The following FAM171A1 variants were observed in gnomAD, a reference collection of about 807,000 sequenced individuals.
FAM171A1 encodes the protein family with sequence similarity 171 member A1.
Under a neutral mutation model 74.9 loss-of-function variants are expected in FAM171A1, and 23 were observed. The observed-to-expected ratio is 0.31, with a 90% CI of 0.22 to 0.44. FAM171A1 has a LOEUF of 0.44. Ranked by LOEUF, FAM171A1 falls within the 20% of genes least tolerant of loss-of-function variation. The probability of loss-of-function intolerance (pLI) is 1.00; values close to 1 mark genes in which losing one functional copy is unlikely to be tolerated. For synonymous variants in FAM171A1, 527 were observed against 505.7 expected (o/e 1.04, Z -0.57); for missense variants, 1,162 against 1,159.2 (o/e 1.00, Z -0.03).
chr10:15,288,679 G>T (rs1835067048), intron 1 of FAM171A1, among the ~76,000 whole-genome samples: 1 of 152,142 alleles, frequency 6.6e-6, no homozygotes, highest in Admixed American at 6.5e-5. Context: ...CAACACCCTA[G>T]ATTCTACCAC....
chr10:15,297,752 T>C (rs1835177784), intron 1 of FAM171A1, among the ~76,000 whole-genome samples: 1 of 152,192 alleles, frequency 6.6e-6, no homozygotes, highest in Non-Finnish European at 1.5e-5. Flanking sequence ...ACGAACTATC[T>C]CCCACAGCTT....
chr10:15,319,883 T>C (rs561816883), intron 1 of FAM171A1, among the ~76,000 whole-genome samples: 147 of 152,350 alleles, frequency 9.6e-4, no homozygotes, highest in South Asian at 4.4e-3. Context: ...TCTGTAACTC[T>C]TTTAATGAGA....
intron 1 of FAM171A1, among the ~76,000 whole-genome samples, chr10:15,333,512 A>T (rs10796280): frequency 0.47 from 71,022 of 151,176 alleles, 17,248 homozygotes; most frequent in East Asian, 0.8. Context: ...AAAACAAACA[A>T]ATAGACAACC....
Position 15,229,615 on chromosome 10 carries a change from C to A in FAM171A1, c.755-8555G>T, listed in dbSNP as rs1459740078. 1.4e-4 allele frequency among the ~76,000 whole-genome samples: 18 copies of A among 127,564 alleles called. 1 individual carries two copies. The highest frequency in any genetic ancestry group is 2.7e-4 in the Non-Finnish European group (15 of 55,854). The allele number at this position is 127,564 out of a possible 152,430, so 83.7% of individuals were successfully genotyped here. ...ACCATCATCACCATCACCATCATCA[C>A]CATTGTCACCCCCATCACCATCATC... On this transcript the variant is annotated intron_variant, in intron 5 of 7. Transcript: ENST00000378116.
At chr10:15,265,914 T>G (rs911833880) in intron 3 of FAM171A1, among the ~76,000 whole-genome samples, 1 of 152,032 alleles carries the variant, frequency 6.6e-6, no homozygotes, top group African/African-American at 2.4e-5. Context: ...GATAAGGACG[T>G]GAGGGACAAT....
intron 1 of FAM171A1, among the ~76,000 whole-genome samples, chr10:15,315,862 A>G (rs1835415957): frequency 6.6e-6 from 1 of 152,218 alleles, no homozygotes; most frequent in African/African-American, 2.4e-5. Flanking sequence ...GACTATCAAT[A>G]TAAGGTAGAA....
intron 6 of FAM171A1, among the ~76,000 whole-genome samples, chr10:15,217,381 G>C (rs1203517254): frequency 6.6e-6 from 1 of 152,072 alleles, no homozygotes; most frequent in Admixed American, 6.6e-5. Context: ...ACACCCATTT[G>C]CTTATTTTTG....
intron 3 of FAM171A1, among the ~76,000 whole-genome samples, chr10:15,257,804 G>A (rs1001543931): frequency 3.0e-4 from 45 of 152,202 alleles, no homozygotes; most frequent in African/African-American, 1.1e-3. Flanking sequence ...GCTATTCTGA[G>A]CCACAGCACA....
chr10:15,274,616 C>A (rs1447864622), intron 3 of FAM171A1, among the ~76,000 whole-genome samples: 1 of 152,136 alleles, frequency 6.6e-6, no homozygotes, highest in Non-Finnish European at 1.5e-5. Context: ...GGAGGCATCA[C>A]GCTACCTGAC....
At chr10:15,236,996 G>A (rs530116955) in intron 5 of FAM171A1, among the ~76,000 whole-genome samples, 1 of 152,310 alleles carries the variant, frequency 6.6e-6, no homozygotes, top group South Asian at 2.1e-4. Flanking sequence ...GGGAGGCTGA[G>A]GCAGGAGAAC....
intron 1 of FAM171A1, among the ~76,000 whole-genome samples, chr10:15,306,526 G>A (rs762401868): frequency 2.2e-4 from 34 of 152,038 alleles, no homozygotes; most frequent in Non-Finnish European, 3.8e-4. Context: ...CACCATGCCT[G>A]GCTAATTTTG....
At chr10:15,336,567 A>G (rs1291869541) in intron 1 of FAM171A1, among the ~76,000 whole-genome samples, 1 of 152,144 alleles carries the variant, frequency 6.6e-6, no homozygotes, top group Non-Finnish European at 1.5e-5. Flanking sequence ...TATTTCTGAA[A>G]TGGGGATATG....
intron 3 of FAM171A1, among the ~76,000 whole-genome samples, chr10:15,260,341 G>A (rs115002209): frequency 4.5e-4 from 68 of 152,238 alleles, no homozygotes; most frequent in African/African-American, 1.5e-3. Flanking sequence ...CTAATCAAGA[G>A]CATCATGAGA....
intron 1 of FAM171A1, among the ~76,000 whole-genome samples, chr10:15,351,023 CCTTT>C (rs1479950876): frequency 4.6e-5 from 7 of 152,128 alleles, no homozygotes; most frequent in African/African-American, 1.7e-4. Context: ...CTTGAATGCC[CCTTT>C]CTCATTGCCT....
At chr10:15,251,833 T>C (rs1834512644) in intron 4 of FAM171A1, among the ~76,000 whole-genome samples, 1 of 152,224 alleles carries the variant, frequency 6.6e-6, no homozygotes, top group Admixed American at 6.5e-5. Context: ...CCGTTCCATC[T>C]GGATGTTGCC....
intron 5 of FAM171A1, among the ~76,000 whole-genome samples, chr10:15,230,243 A>G (rs1354635969): frequency 6.6e-6 from 1 of 152,220 alleles, no homozygotes; most frequent in Admixed American, 6.5e-5. Flanking sequence ...CTTTTTTTCC[A>G]AATTAAAGTC....
At chr10:15,295,808 A>G (rs7080766) in intron 1 of FAM171A1, among the ~76,000 whole-genome samples, 34 of 152,342 alleles carry the variant, frequency 2.2e-4, no homozygotes, top group African/African-American at 7.2e-4. Flanking sequence ...TGCCTGGGCC[A>G]GGGAGGCCAG....
chr10:15,302,622 T>G (rs1358857156), intron 1 of FAM171A1, among the ~76,000 whole-genome samples: 10 of 152,192 alleles, frequency 6.6e-5, no homozygotes, highest in African/African-American at 2.4e-4. Context: ...TAGTGAGTGT[T>G]TTGTTTGTTT....
At chr10:15,271,904 C>T (rs922120202) in intron 3 of FAM171A1, among the ~76,000 whole-genome samples, 2 of 152,198 alleles carry the variant, frequency 1.3e-5, no homozygotes, top group African/African-American at 4.8e-5. Flanking sequence ...TGGAAAGGAA[C>T]AACCAGTAAC....
Sources: gnomAD v4.1 joint callset for allele counts (sites outside exome capture counted in the v4.1 genomes callset) on GRCh38, gnomAD v4.1.1 for gene constraint, MANE v1.5 for transcripts, NCBI Gene and HGNC (gene_info 2026-07-23, HGNC 2026-07-21) for gene names.